TCERG1L: variants seen among roughly 807,000 people sequenced by gnomAD.
The protein encoded by TCERG1L is transcription elongation regulator 1-like protein.
TCERG1L carries 37 observed loss-of-function variants against 56.3 expected under a neutral mutation model. That is an observed-to-expected ratio of 0.66 (90% CI 0.51 to 0.87). The LOEUF is 0.87. Ranked by LOEUF, TCERG1L falls within the 40% of genes least tolerant of loss-of-function variation. The probability of loss-of-function intolerance (pLI) is 0.00; values close to 1 mark genes in which losing one functional copy is unlikely to be tolerated. For missense variants in TCERG1L, 799 were observed against 774.2 expected, an observed-to-expected ratio of 1.03 and a Z score of -0.38; for synonymous variants, 324 against 326.3, an observed-to-expected ratio of 0.99 and a Z score of 0.08.
intron 4 of TCERG1L, among the ~76,000 whole-genome samples, chr10:131,181,062 C>A (rs865871393): frequency 6.6e-6 from 1 of 152,208 alleles, no homozygotes; most frequent in African/African-American, 2.4e-5. Flanking sequence ...AAGGGCACAA[C>A]CCCTGCCACT....
chr10:131,261,475 A>G (rs1010385028), intron 3 of TCERG1L, among the ~76,000 whole-genome samples: 1 of 152,262 alleles, frequency 6.6e-6, no homozygotes, highest in Non-Finnish European at 1.5e-5. Flanking sequence ...GGACGGCTGC[A>G]TGAAGGATGG....
In TCERG1L at chr10:131,177,778, G is replaced by A. The variant is rs191384925; in HGVS notation, c.857-10893C>T. Among the ~76,000 whole-genome samples the A allele has an allele frequency of 3.0e-4, 45 of 151,966 alleles. 1 individual carries two copies. The highest frequency in any genetic ancestry group is 1.0e-3 in the African/African-American group (43 of 41,434). ...GCTAAGGTCACGGCAGGAGGCTGAAGGGGAGGCTCCTGGCACGTGACTCTG... is the reference window on the plus strand; with the variant it reads ...GCTAAGGTCACGGCAGGAGGCTGAAAGGGAGGCTCCTGGCACGTGACTCTG... On this transcript the variant is annotated intron_variant, in intron 4 of 11. Coordinates refer to ENST00000368642, the MANE Select transcript of TCERG1L (RefSeq NM_174937.4).
intron 3 of TCERG1L, among the ~76,000 whole-genome samples, chr10:131,302,627 ATT>A (rs559944571): frequency 1.5e-5 from 2 of 135,824 alleles, no homozygotes; most frequent in African/African-American, 2.7e-5. Flanking sequence ...TTTTTTCTCA[ATT>A]TTTTTTTTTT....
At chr10:131,163,053 T>C (rs765745755) in intron 6 of TCERG1L, 69 bp downstream of exon 6, 11 of 1,241,604 alleles carry the variant, frequency 8.9e-6, no homozygotes, top group East Asian at 2.6e-5. Flanking sequence ...GTCTCTTTGG[T>C]GACATCAGGC....
At chr10:131,120,512 G>A (rs545344385) in intron 8 of TCERG1L, among the ~76,000 whole-genome samples, 2 of 152,220 alleles carry the variant, frequency 1.3e-5, no homozygotes, top group Non-Finnish European at 2.9e-5. Context: ...TGCCCTGGCA[G>A]AGAAATGACA....
At position 131,311,098 on chromosome 10, in the gene TCERG1L, A is replaced by T. The variant is rs1404234912; in HGVS notation, c.342+196T>A. ...CCGGAGGCACCTGCCAAAGCTGCGGAGGTGGACGACCGGGCGTCCAAGCAC... is the reference window on the plus strand; with the variant it reads ...CCGGAGGCACCTGCCAAAGCTGCGGTGGTGGACGACCGGGCGTCCAAGCAC... On this transcript the variant is annotated intron_variant, in intron 1 of 11. Coordinates refer to ENST00000368642, the MANE Select transcript of TCERG1L (RefSeq NM_174937.4). The surrounding 1 kb of genome is among the most constrained non-coding windows in gnomAD (Gnocchi z 4.0). Among the ~76,000 whole-genome samples the T allele has an allele frequency of 6.6e-6, 1 of 152,018 alleles. No individual in the cohort carries two copies. The highest frequency in any genetic ancestry group is 1.5e-5 in the Non-Finnish European group (1 of 67,994).
At position 131,092,429 on chromosome 10, in the gene TCERG1L, T is replaced by A. The variant is rs2091703104; in HGVS notation, c.*733A>T. ...TTTATTGATTAAAAAAAATTAAAAA[T>A]TTTTTATACAAAGGTGATGAGAAAA... is the stretch of plus-strand genomic sequence containing the variant. On this transcript the variant is annotated 3_prime_UTR_variant, in exon 12 of 12. Transcript: ENST00000368642. The A allele has an allele frequency of 6.6e-6, 1 of 152,640 alleles. No homozygotes were observed. The highest frequency in any genetic ancestry group is 1.5e-5 in the Non-Finnish European group (1 of 68,046). 9.5% of individuals were successfully genotyped at this position (152,640 alleles called of 1,614,324 possible).
chr10:131,288,002 A>T (rs1178885458), intron 3 of TCERG1L, among the ~76,000 whole-genome samples: 3 of 152,182 alleles, frequency 2.0e-5, no homozygotes, highest in Non-Finnish European at 4.4e-5. Context: ...TCCACACACA[A>T]GTATTTTTCT....
chr10:131,186,162 C>T (rs2944458), intron 4 of TCERG1L, among the ~76,000 whole-genome samples: 81,412 of 151,986 alleles, frequency 0.54, 24,213 homozygotes, highest in East Asian at 0.74. Context: ...TAGGTAAATG[C>T]ATAGAGACAG....
intron 4 of TCERG1L, among the ~76,000 whole-genome samples, chr10:131,194,974 T>A (rs1845342470): frequency 6.6e-6 from 1 of 152,170 alleles, no homozygotes; most frequent in Admixed American, 6.5e-5. Flanking sequence ...TGCCACTAAA[T>A]CCAGCCCATC....
intron 9 of TCERG1L, among the ~76,000 whole-genome samples, chr10:131,107,934 TACAC>T (rs1845369913): frequency 1.4e-5 from 2 of 146,962 alleles, no homozygotes; most frequent in South Asian, 4.4e-4. Context: ...CACACATTGA[TACAC>T]ACATGCACAT....
At chr10:131,303,739 C>A (rs1335196011) in intron 3 of TCERG1L, among the ~76,000 whole-genome samples, 1 of 152,028 alleles carries the variant, frequency 6.6e-6, no homozygotes, top group Non-Finnish European at 1.5e-5. Context: ...ATAATTCGTT[C>A]TTCTCTTCAA....
intron 6 of TCERG1L, among the ~76,000 whole-genome samples, chr10:131,150,701 C>A (rs1176670038): frequency 6.6e-6 from 1 of 152,236 alleles, no homozygotes. Flanking sequence ...AGGACTTCAA[C>A]TTTGGGCCCC....
chr10:131,109,965 A>G (rs1845394307), intron 9 of TCERG1L, among the ~76,000 whole-genome samples: 1 of 152,254 alleles, frequency 6.6e-6, no homozygotes, highest in African/African-American at 2.4e-5. Context: ...ACATCGCCCA[A>G]GCATCACTCT....
chr10:131,156,813 T>C (rs1200268613), intron 6 of TCERG1L, among the ~76,000 whole-genome samples: 1 of 151,636 alleles, frequency 6.6e-6, no homozygotes, highest in African/African-American at 2.4e-5. Flanking sequence ...CCCCTTAGAG[T>C]TGTGAGCCCT....
chr10:131,261,227 G>C (rs2133544096), intron 3 of TCERG1L, among the ~76,000 whole-genome samples: 1 of 152,342 alleles, frequency 6.6e-6, no homozygotes, highest in Middle Eastern at 3.4e-3. Context: ...TCTTTTAAAA[G>C]ACTCCTCAGT....
chr10:131,160,440 C>A lies in TCERG1L; in HGVS notation c.1034+2682G>T, dbSNP rs10829937. On this transcript the variant is annotated intron_variant, in intron 6 of 11. Coordinates refer to ENST00000368642, the MANE Select transcript of TCERG1L (RefSeq NM_174937.4). ...CACTCCCTCTGACCACCTGAAGCCCCTGGCCCTACACCCCGCCACTCCCTC... is the reference window on the plus strand; with the variant it reads ...CACTCCCTCTGACCACCTGAAGCCCATGGCCCTACACCCCGCCACTCCCTC... Among the ~76,000 whole-genome samples, 196 of 151,538 alleles carry A rather than the reference C, an allele frequency of 1.3e-3. 1 individual carries two copies. The highest frequency in any genetic ancestry group is 4.5e-3 in the African/African-American group (185 of 41,394).
intron 4 of TCERG1L, among the ~76,000 whole-genome samples, chr10:131,195,038 A>G (rs1325672934): frequency 1.3e-5 from 2 of 152,176 alleles, no homozygotes; most frequent in Non-Finnish European, 2.9e-5. Flanking sequence ...AGACCCTTTT[A>G]GTGCCCATGG....
intron 4 of TCERG1L, among the ~76,000 whole-genome samples, chr10:131,194,901 A>G (rs1475701492): frequency 6.6e-6 from 1 of 152,212 alleles, no homozygotes; most frequent in African/African-American, 2.4e-5. Context: ...ATATACACAC[A>G]TGCTATTTTA....
Sources: gnomAD v4.1 joint callset for allele counts (sites outside exome capture counted in the v4.1 genomes callset) on GRCh38, gnomAD v4.1.1 for gene constraint, Gnocchi (gnomAD v3.1) non-coding constraint, MANE v1.5 for transcripts, NCBI Gene and HGNC (gene_info 2026-07-23, HGNC 2026-07-21) for gene names.